COG5: variants seen among roughly 807,000 people sequenced by gnomAD.
COG5 encodes component of oligomeric golgi complex 5.
In COG5, 86 loss-of-function variants were observed where a neutral mutation model predicts 110.4. The observed-to-expected ratio is 0.78, with a 90% CI of 0.65 to 0.93. The LOEUF is 0.93. COG5 is among the 40% of genes least tolerant of loss of function. COG5 has a pLI of 0.00. For synonymous variants in COG5, 360 were observed against 334.6 expected, an observed-to-expected ratio of 1.08 and a Z score of -0.83; for missense variants, 1,077 against 987.0, an observed-to-expected ratio of 1.09 and a Z score of -1.22.
At chr7:107,484,350 G>T (rs923747529) in intron 6 of COG5, among the ~76,000 whole-genome samples, 5 of 152,114 alleles carry the variant, frequency 3.3e-5, no homozygotes, top group African/African-American at 1.2e-4. Context: ...GCCACAAATT[G>T]CTCCTTATGA....
intron 14 of COG5, among the ~76,000 whole-genome samples, chr7:107,273,956 A>G (rs1356505772): frequency 6.6e-6 from 1 of 152,236 alleles, no homozygotes; most frequent in Non-Finnish European, 1.5e-5. Flanking sequence ...TTTAAAAGCC[A>G]TATAGGAAAA....
chr7:107,285,860 G>C (rs1431287087), intron 12 of COG5, among the ~76,000 whole-genome samples: 1 of 134,218 alleles, frequency 7.5e-6, no homozygotes, highest in African/African-American at 2.9e-5. Flanking sequence ...GCAAGACTCT[G>C]TCAAGAAAAA....
chr7:107,547,701 T>C (rs1227753683), intron 5 of COG5, among the ~76,000 whole-genome samples: 1 of 151,974 alleles, frequency 6.6e-6, no homozygotes, highest in South Asian at 2.1e-4. Flanking sequence ...AAAATTAACA[T>C]ACAAAAATCA....
intron 3 of COG5, among the ~76,000 whole-genome samples, chr7:107,551,462 A>G (rs1031700974): frequency 1.3e-5 from 2 of 152,242 alleles, no homozygotes; most frequent in Admixed American, 6.5e-5. Flanking sequence ...AAAATTTTAC[A>G]TATTTAGGAG....
At chr7:107,210,952 TC>T in intron 20 of COG5, 146 bp downstream of exon 20, 3 of 1,009,152 alleles carry the variant, frequency 3.0e-6, no homozygotes, top group Non-Finnish European at 4.6e-6. Flanking sequence ...GTTTTCCTTT[TC>T]TAATATCTAT....
chr7:107,515,734 G>A (rs1799874340), intron 6 of COG5, among the ~76,000 whole-genome samples: 1 of 152,128 alleles, frequency 6.6e-6, no homozygotes. Flanking sequence ...CTTGTTGCTA[G>A]CCTCTTTTTC....
chr7:107,491,697 T>C (rs1469731608), intron 6 of COG5, among the ~76,000 whole-genome samples: 1 of 152,094 alleles, frequency 6.6e-6, no homozygotes, highest in Non-Finnish European at 1.5e-5. Context: ...AGCTCAACAT[T>C]CCTTTCATCC....
chr7:107,386,462 G>A (rs1267111806), intron 7 of COG5, among the ~76,000 whole-genome samples: 6 of 152,092 alleles, frequency 3.9e-5, no homozygotes, highest in African/African-American at 1.2e-4. Context: ...GGAACGCTGC[G>A]GAGGAAGCAC....
At chr7:107,276,534 T>C (rs757370521) in intron 14 of COG5, among the ~76,000 whole-genome samples, 3 of 152,168 alleles carry the variant, frequency 2.0e-5, no homozygotes, top group Non-Finnish European at 2.9e-5. Context: ...TAGCTAGGCA[T>C]GCTGGCATGC....
chr7:107,388,536 AAACAG>A (rs1003610407), intron 7 of COG5, among the ~76,000 whole-genome samples: 2 of 152,232 alleles, frequency 1.3e-5, no homozygotes, highest in African/African-American at 4.8e-5. Flanking sequence ...TATGCTCAGA[AAACAG>A]AAAAGGGAGA....
At chr7:107,467,659 A>C (rs1163759367) in intron 6 of COG5, among the ~76,000 whole-genome samples, 1 of 152,108 alleles carries the variant, frequency 6.6e-6, no homozygotes, top group Non-Finnish European at 1.5e-5. Flanking sequence ...GTCTGTAATT[A>C]ATTTTTTTCA....
intron 6 of COG5, among the ~76,000 whole-genome samples, chr7:107,488,235 T>C (rs1584886672): frequency 6.6e-6 from 1 of 151,892 alleles, no homozygotes; most frequent in African/African-American, 2.4e-5. Flanking sequence ...TTTGGGTCCA[T>C]ACTGATAATA....
chr7:107,460,239 C>CA (rs939598089), intron 6 of COG5, among the ~76,000 whole-genome samples: 49 of 151,946 alleles, frequency 3.2e-4, no homozygotes, highest in Non-Finnish European at 5.0e-4. Context: ...CCTGTCTCTA[C>CA]AAAAAATACA....
chr7:107,416,875 A>G (rs796166194), intron 6 of COG5, among the ~76,000 whole-genome samples: 6 of 152,354 alleles, frequency 3.9e-5, no homozygotes, highest in African/African-American at 1.4e-4. Flanking sequence ...AAAGCTTTTA[A>G]GATAATACTG....
At chr7:107,276,559 G>A (rs948933885) in intron 14 of COG5, among the ~76,000 whole-genome samples, 6 of 152,078 alleles carry the variant, frequency 3.9e-5, no homozygotes, top group African/African-American at 9.7e-5. Context: ...AGGCTGAAGC[G>A]GGAGGATACC....
At chr7:107,510,884 C>T (rs1156969087) in intron 6 of COG5, among the ~76,000 whole-genome samples, 2 of 152,190 alleles carry the variant, frequency 1.3e-5, no homozygotes, top group Non-Finnish European at 2.9e-5. Flanking sequence ...CTCTGGCACA[C>T]ATTCAAAGCA....
intron 6 of COG5, among the ~76,000 whole-genome samples, chr7:107,469,864 T>C (rs557989135): frequency 6.6e-6 from 1 of 152,144 alleles, no homozygotes; most frequent in Non-Finnish European, 1.5e-5. Context: ...TTTACACATA[T>C]TCTATTTAAG....
chr7:107,346,207 AT>A (rs775039608), intron 10 of COG5, among the ~76,000 whole-genome samples: 1 of 152,176 alleles, frequency 6.6e-6, no homozygotes, highest in Non-Finnish European at 1.5e-5. Context: ...GAACAAACAT[AT>A]TATGGAAACA....
At chr7:107,344,891 T>C (rs923652915) in intron 10 of COG5, among the ~76,000 whole-genome samples, 1 of 152,198 alleles carries the variant, frequency 6.6e-6, no homozygotes, top group Non-Finnish European at 1.5e-5. Context: ...CAAGAACTTT[T>C]CCTTTGCATT....
Sources: gnomAD v4.1 joint callset for allele counts (sites outside exome capture counted in the v4.1 genomes callset) on GRCh38, gnomAD v4.1.1 for gene constraint, MANE v1.5 for transcripts, NCBI Gene and HGNC (gene_info 2026-07-23, HGNC 2026-07-21) for gene names.